The following ARHGAP28 variants were observed in gnomAD, a reference collection of about 807,000 sequenced individuals.
ARHGAP28 encodes the protein Rho GTPase activating protein 28, also known as rho GTPase-activating protein 28.
In ARHGAP28, 56 loss-of-function variants were observed where a neutral mutation model predicts 90.7. The observed-to-expected ratio is 0.62, with a 90% CI of 0.50 to 0.77. ARHGAP28 has a LOEUF of 0.77. Ranked by LOEUF, ARHGAP28 falls within the 30% of genes least tolerant of loss-of-function variation. The pLI, the probability that ARHGAP28 is intolerant of heterozygous loss-of-function variation, is 0.00. For missense variants in ARHGAP28, 869 were observed against 900.9 expected (o/e 0.96, Z 0.45); for synonymous variants, 308 against 323.3 (o/e 0.95, Z 0.51).
intron 4 of ARHGAP28, among the ~76,000 whole-genome samples, chr18:6,853,415 C>T (rs4797260): frequency 0.54 from 81,827 of 151,556 alleles, 22,927 homozygotes; most frequent in Non-Finnish European, 0.62. Flanking sequence ...GTCTCCACAG[C>T]CCCTATCATA....
chr18:6,779,368 A>T (rs912279756), intron 1 of ARHGAP28, among the ~76,000 whole-genome samples: 1 of 152,248 alleles, frequency 6.6e-6, no homozygotes. Flanking sequence ...TGGTAGAGAA[A>T]GGAATAATAG....
At chr18:6,841,503 C>G (rs1264544792) in intron 3 of ARHGAP28, among the ~76,000 whole-genome samples, 2 of 150,818 alleles carry the variant, frequency 1.3e-5, no homozygotes, top group African/African-American at 2.4e-5. Context: ...GTATAAAATA[C>G]TTATAAAGAT....
chr18:6,882,499 A>G (rs1600282987), intron 11 of ARHGAP28, 200 bp downstream of exon 11: 2 of 429,506 alleles, frequency 4.7e-6, no homozygotes, highest in Non-Finnish European at 4.0e-6. Flanking sequence ...TTTTATAATC[A>G]TTAAAAGGCA....
In ARHGAP28 at chr18:6,859,713, C is replaced by A. The variant is rs2056982654; in HGVS notation, c.637-95C>A. The stretch of plus-strand genomic sequence containing the variant: ...CAGGCAGTCATAATTGCATATATTG[C>A]CACACATATCTCAGTATGAACACAG... On this transcript the variant is annotated intron_variant, in intron 4 of 17. Transcript: ENST00000383472. 5.0e-6 allele frequency: 6 copies of A among 1,205,202 alleles called. No homozygotes were observed. In the East Asian group the frequency reaches 9.5e-5, roughly 19 times the overall value. 74.7% of individuals were successfully genotyped at this position (1,205,202 alleles called of 1,614,324 possible). A position where few individuals can be genotyped will look rare whatever the true frequency, so the allele number is the denominator to read the frequency against.
chr18:6,874,351 G>A (rs777402600), intron 9 of ARHGAP28, among the ~76,000 whole-genome samples: 3 of 152,120 alleles, frequency 2.0e-5, no homozygotes, highest in Non-Finnish European at 2.9e-5. Flanking sequence ...GAATAATTTT[G>A]GTGGAAGGAG....
chr18:6,730,043 T>G, intron 1 of ARHGAP28, 100 bp downstream of exon 1: 1 of 1,178,870 alleles, frequency 8.5e-7, no homozygotes. Context: ...CCGCCGTCAC[T>G]GGATGTTGTT....
chr18:6,836,517 C>T (rs1006580995), intron 2 of ARHGAP28, among the ~76,000 whole-genome samples: 1 of 152,014 alleles, frequency 6.6e-6, no homozygotes, highest in African/African-American at 2.4e-5. Context: ...TGGGATGAGT[C>T]AGGCAGGTTG....
chr18:6,732,709 T>G (rs1239684981), intron 1 of ARHGAP28, among the ~76,000 whole-genome samples: 1 of 152,206 alleles, frequency 6.6e-6, no homozygotes, highest in Admixed American at 6.5e-5. Context: ...GAGTAGCCAG[T>G]GAAATGTACT....
At chr18:6,902,349 G>A (rs1330693594) in intron 16 of ARHGAP28, among the ~76,000 whole-genome samples, 1 of 152,050 alleles carries the variant, frequency 6.6e-6, no homozygotes, top group Non-Finnish European at 1.5e-5. Flanking sequence ...TATGGGATCT[G>A]CCTATACCAT....
chr18:6,905,456 C>T (rs2057360255), intron 16 of ARHGAP28, among the ~76,000 whole-genome samples: 1 of 152,034 alleles, frequency 6.6e-6, no homozygotes, highest in Admixed American at 6.5e-5. Flanking sequence ...TCATCCTTAA[C>T]AACGAAGGAT....
chr18:6,851,743 G>A (rs190531928), intron 4 of ARHGAP28, among the ~76,000 whole-genome samples: 19 of 152,272 alleles, frequency 1.2e-4, no homozygotes, highest in African/African-American at 1.9e-4. Context: ...CTGTTGATAC[G>A]CACAACACAG....
chr18:6,841,193 C>CCTCTCTT (rs1567966720), intron 3 of ARHGAP28, among the ~76,000 whole-genome samples: 1 of 61,300 alleles, frequency 1.6e-5, no homozygotes, highest in Non-Finnish European at 3.1e-5. Flanking sequence ...CTCTCTCTCT[C>CCTCTCTT]TCTCTCTCTC....
At chr18:6,749,584 A>G (rs1023316325) in intron 1 of ARHGAP28, among the ~76,000 whole-genome samples, 12 of 152,170 alleles carry the variant, frequency 7.9e-5, no homozygotes, top group Non-Finnish European at 1.3e-4. Context: ...GCTTTTTCAC[A>G]TTGTATTCTT....
intron 1 of ARHGAP28, among the ~76,000 whole-genome samples, chr18:6,817,393 G>A (rs893021071): frequency 1.3e-5 from 2 of 151,888 alleles, no homozygotes; most frequent in African/African-American, 2.4e-5. Flanking sequence ...CCTTCCTTAC[G>A]AGGCAGGTTG....
intron 3 of ARHGAP28, among the ~76,000 whole-genome samples, chr18:6,848,283 CA>C (rs1168654818): frequency 6.6e-6 from 1 of 152,104 alleles, no homozygotes; most frequent in Non-Finnish European, 1.5e-5. Context: ...GCAGAGCTCT[CA>C]ATATAATATA....
intron 15 of ARHGAP28, among the ~76,000 whole-genome samples, chr18:6,895,790 G>C (rs1005019912): frequency 3.3e-5 from 5 of 152,160 alleles, no homozygotes; most frequent in Admixed American, 6.5e-5. Flanking sequence ...GTATTGGGGG[G>C]TTAGGGCTTC....
intron 1 of ARHGAP28, among the ~76,000 whole-genome samples, chr18:6,755,385 A>G (rs975815130): frequency 5.9e-5 from 9 of 152,252 alleles, no homozygotes; most frequent in African/African-American, 1.9e-4. Flanking sequence ...AAGGCACTGA[A>G]GCAGGAGAGC....
At chr18:6,851,813 C>T (rs564735762) in intron 4 of ARHGAP28, among the ~76,000 whole-genome samples, 3 of 152,060 alleles carry the variant, frequency 2.0e-5, no homozygotes, top group Non-Finnish European at 1.5e-5. Context: ...ATTTGATTCA[C>T]ACAAAATGAT....
chr18:6,809,369 C>G (rs758890018), intron 1 of ARHGAP28, among the ~76,000 whole-genome samples: 1 of 152,128 alleles, frequency 6.6e-6, no homozygotes, highest in Non-Finnish European at 1.5e-5. Context: ...TCCATTTGCC[C>G]TTACTAGAAT....
Sources: gnomAD v4.1 joint callset for allele counts (sites outside exome capture counted in the v4.1 genomes callset) on GRCh38, gnomAD v4.1.1 for gene constraint, MANE v1.5 for transcripts, NCBI Gene and HGNC (gene_info 2026-07-23, HGNC 2026-07-21) for gene names.